The following ABCC4 variants were observed in gnomAD, a reference collection of about 807,000 sequenced individuals.
ABCC4 encodes the protein ATP binding cassette subfamily C member 4 (PEL blood group).
Under a neutral mutation model 168.5 loss-of-function variants are expected in ABCC4, and 102 were observed. The ratio of observed to expected loss-of-function variants is 0.61; its 90% CI spans 0.52 to 0.71. The LOEUF is 0.71. Ranked by LOEUF, ABCC4 falls within the 30% of genes least tolerant of loss-of-function variation. The pLI is 0.00. For missense variants in ABCC4, 1,402 were observed against 1,605.8 expected, an observed-to-expected ratio of 0.87 and a Z score of 2.17; for synonymous variants, 617 against 590.7, an observed-to-expected ratio of 1.04 and a Z score of -0.65.
chr13:95,141,552 G>C (rs1387988126), intron 19 of ABCC4, among the ~76,000 whole-genome samples: 1 of 151,980 alleles, frequency 6.6e-6, no homozygotes, highest in Non-Finnish European at 1.5e-5. Flanking sequence ...TACACAAGGT[G>C]GGGGGTGGGG....
rs796319500 is a variant in ABCC4, at chr13:95,273,820, T to G, written c.75-26067A>C. ...GATGGGTTTTTTTTTTGGTTTGTTT[T>G]TTTTTTTTTTTTTTTGAGACGGAGT... On this transcript the variant is annotated intron_variant, in intron 1 of 30. Coordinates refer to ENST00000645237, the MANE Select transcript of ABCC4 (RefSeq NM_005845.5). 9.0e-3 allele frequency among the ~76,000 whole-genome samples: 728 copies of G among 81,202 alleles called. 24 individuals are homozygous for G. The East Asian group carries it at 0.11, about 12-fold the overall frequency. The allele number at this position is 81,202 out of a possible 152,430, so 53.3% of individuals were successfully genotyped here.
chr13:95,127,799 G>A (rs1000970543), intron 19 of ABCC4, among the ~76,000 whole-genome samples: 3 of 152,094 alleles, frequency 2.0e-5, no homozygotes, highest in African/African-American at 7.2e-5. Flanking sequence ...ACTGTGCCAT[G>A]CATCCTGCTG....
chr13:95,020,622 G>A lies in ABCC4; in HGVS notation c.*953C>T, dbSNP rs930691443. On this transcript the variant is annotated 3_prime_UTR_variant, in exon 31 of 31. Coordinates refer to ENST00000645237, the MANE Select transcript of ABCC4 (RefSeq NM_005845.5). Reference sequence around the variant, plus strand: ...CAATGCTTGCAATAATTTTCAGTTTGTCTCATCACGTTAGCAGAGCCTATT... The same window carrying A: ...CAATGCTTGCAATAATTTTCAGTTTATCTCATCACGTTAGCAGAGCCTATT... 1 of 152,232 alleles carries A rather than the reference G, an allele frequency of 6.6e-6. No individual in the cohort carries two copies. The highest frequency in any genetic ancestry group is 1.5e-5 in the Non-Finnish European group (1 of 68,028). 9.4% of individuals were successfully genotyped at this position (152,232 alleles called of 1,614,324 possible).
intron 19 of ABCC4, among the ~76,000 whole-genome samples, chr13:95,117,335 A>T (rs149417766): frequency 9.2e-5 from 14 of 151,872 alleles, no homozygotes; most frequent in African/African-American, 3.1e-4. Flanking sequence ...AAAAGGTGCG[A>T]TGATGACTAT....
intron 4 of ABCC4, among the ~76,000 whole-genome samples, chr13:95,214,830 G>C (rs1824912): frequency 6.8e-6 from 1 of 146,976 alleles, no homozygotes; most frequent in African/African-American, 2.5e-5. Context: ...AGGTTGCAGT[G>C]AGCCGAGATC....
At chr13:95,092,654 C>T (rs1202360315) in intron 20 of ABCC4, among the ~76,000 whole-genome samples, 2 of 152,042 alleles carry the variant, frequency 1.3e-5, no homozygotes, top group East Asian at 3.9e-4. Context: ...ATTCCAAGGT[C>T]ACACCTCAAG....
chr13:95,289,733 T>C (rs1028207575), intron 1 of ABCC4, among the ~76,000 whole-genome samples: 18 of 152,208 alleles, frequency 1.2e-4, no homozygotes, highest in African/African-American at 4.3e-4. Context: ...GAAATATTTT[T>C]GACTTTGGCA....
chr13:95,206,830 A>G (rs1287913636), intron 7 of ABCC4, 49 bp from the exon 8 acceptor site: 1 of 1,599,232 alleles, frequency 6.3e-7, no homozygotes, highest in South Asian at 1.1e-5. Flanking sequence ...CAACCAGATA[A>G]AGTGGCTCAC....
At chr13:95,025,010 T>C (rs1593955477) in intron 30 of ABCC4, among the ~76,000 whole-genome samples, 1 of 151,938 alleles carries the variant, frequency 6.6e-6, no homozygotes, top group South Asian at 2.1e-4. Flanking sequence ...TCCAGTTAAT[T>C]GGAGGAGCGC....
chr13:95,238,849 C>G (rs1054293915), intron 3 of ABCC4, among the ~76,000 whole-genome samples: 8 of 152,208 alleles, frequency 5.3e-5, no homozygotes, highest in African/African-American at 1.9e-4. Flanking sequence ...AGCCACTGTG[C>G]CTGACCCTGA....
chr13:95,111,247 T>C (rs759659418), intron 20 of ABCC4, among the ~76,000 whole-genome samples: 1 of 152,196 alleles, frequency 6.6e-6, no homozygotes, highest in Non-Finnish European at 1.5e-5. Flanking sequence ...TTTAGAAATA[T>C]TGTAGATGTT....
chr13:95,073,612 T>C (rs1189464), intron 23 of ABCC4: 205,985 of 222,852 alleles, frequency 0.92, 95,496 homozygotes, highest in Non-Finnish European at 0.96. Flanking sequence ...GTTTCAAAGC[T>C]CATTACATTA....
chr13:95,225,147 TCTCTCTCACACACACACACACACACA>T (rs769896205), intron 4 of ABCC4, among the ~76,000 whole-genome samples: 10 of 100,790 alleles, frequency 9.9e-5, no homozygotes, highest in South Asian at 7.0e-4. Flanking sequence ...TCTGTCTCTC[TCTCTCTCACACACACACACACACACA>T]CACACACACA....
At chr13:95,273,648 A>ACGGCT (rs1555340086) in intron 1 of ABCC4, among the ~76,000 whole-genome samples, 1 of 151,346 alleles carries the variant, frequency 6.6e-6, no homozygotes, top group African/African-American at 2.4e-5. Flanking sequence ...CACTACTGAT[A>ACGGCT]TGGCTCTGTG....
chr13:95,182,693 C>T, intron 11 of ABCC4, among the ~76,000 whole-genome samples: 1 of 152,202 alleles, frequency 6.6e-6, no homozygotes, highest in East Asian at 1.9e-4. Flanking sequence ...CTCTATTTTA[C>T]AGATGACAAA....
intron 3 of ABCC4, among the ~76,000 whole-genome samples, chr13:95,244,984 A>G (rs2040069745): frequency 6.6e-6 from 1 of 152,128 alleles, no homozygotes. Context: ...GCCCACCAGC[A>G]GTAAAGATTA....
At chr13:95,289,961 T>G (rs1230756186) in intron 1 of ABCC4, among the ~76,000 whole-genome samples, 2 of 151,898 alleles carry the variant, frequency 1.3e-5, no homozygotes, top group African/African-American at 2.4e-5. Context: ...CCAGGCATGG[T>G]AGCGCATGCC....
intron 20 of ABCC4, among the ~76,000 whole-genome samples, chr13:95,109,140 G>C (rs1284410178): frequency 6.6e-6 from 1 of 152,212 alleles, no homozygotes; most frequent in Non-Finnish European, 1.5e-5. Flanking sequence ...CATACAGGAG[G>C]TGTCCAAGAA....
At position 95,021,599 on chromosome 13, in the gene ABCC4, T is replaced by C; in HGVS notation, c.3954A>G (p.Leu1318=). The C allele has an allele frequency of 6.2e-7, 1 of 1,612,156 alleles. No individual in the cohort carries two copies. Among genetic ancestry groups the C allele is most frequent in the Non-Finnish European group, 8.5e-7 (1 of 1,178,316 alleles). The change falls in exon 31 of 31, where the codon TTA becomes TTG. Residue 1318 remains leucine (L), a synonymous_variant. Coordinates refer to ENST00000645237, the MANE Select transcript of ABCC4 (RefSeq NM_005845.5). Reference sequence around the variant, plus strand: ...TTCACAGTGCTGTCTCGAAAATAGTTAAGGTCGAGGGCTGTCCATTGGAAG... The same window carrying C: ...TTCACAGTGCTGTCTCGAAAATAGTCAAGGTCGAGGGCTGTCCATTGGAAG... ...TNTSNGQPST[L]TIFETAL
Sources: gnomAD v4.1 joint callset for allele counts (sites outside exome capture counted in the v4.1 genomes callset) on GRCh38, gnomAD v4.1.1 for gene constraint, MANE v1.5 for transcripts, NCBI Gene and HGNC (gene_info 2026-07-23, HGNC 2026-07-21) for gene names.